The following NCAM2 variants were observed in gnomAD, a reference collection of about 807,000 sequenced individuals.
NCAM2 encodes the protein neural cell adhesion molecule 2.
A neutral mutation model predicts 98.1 loss-of-function variants in NCAM2; 30 were observed. The ratio of observed to expected loss-of-function variants is 0.31; its 90% CI spans 0.23 to 0.41. The LOEUF is 0.41. Ranked by LOEUF, NCAM2 falls within the 10% of genes least tolerant of loss-of-function variation. NCAM2 has a pLI of 1.00. For missense variants in NCAM2, 867 were observed against 1,005.8 expected (o/e 0.86, Z 1.87); for synonymous variants, 368 against 342.4 (o/e 1.07, Z -0.83).
chr21:21,267,086 G>A (rs901933026), intron 1 of NCAM2, among the ~76,000 whole-genome samples: 4 of 152,052 alleles, frequency 2.6e-5, no homozygotes, highest in African/African-American at 9.7e-5. Flanking sequence ...AACTCACCAG[G>A]GGAAGCAGTT....
At chr21:21,086,493 T>C (rs1180397373) in intron 1 of NCAM2, among the ~76,000 whole-genome samples, 2 of 152,182 alleles carry the variant, frequency 1.3e-5, no homozygotes, top group African/African-American at 4.8e-5. Context: ...AAATATATGC[T>C]ATAGCATACA....
At chr21:21,318,750 A>C (rs926680205) in intron 5 of NCAM2, among the ~76,000 whole-genome samples, 2 of 152,184 alleles carry the variant, frequency 1.3e-5, no homozygotes, top group Non-Finnish European at 2.9e-5. Flanking sequence ...GCTGTAATAG[A>C]TATGTATCTG....
At chr21:21,003,881 T>G (rs566496574) in intron 1 of NCAM2, among the ~76,000 whole-genome samples, 3 of 152,244 alleles carry the variant, frequency 2.0e-5, no homozygotes, top group South Asian at 2.1e-4. Context: ...GGGGCGTCAC[T>G]TATTGTCCTA....
chr21:21,324,116 C>A (rs1276504988), intron 5 of NCAM2, among the ~76,000 whole-genome samples: 1 of 152,102 alleles, frequency 6.6e-6, no homozygotes, highest in Non-Finnish European at 1.5e-5. Context: ...CATTAGAACA[C>A]AGATCATTGA....
chr21:21,256,007 A>G (rs1054510292), intron 1 of NCAM2, among the ~76,000 whole-genome samples: 4 of 152,178 alleles, frequency 2.6e-5, no homozygotes, highest in Non-Finnish European at 5.9e-5. Context: ...TAAAAGCCAA[A>G]TTTCAATAAT....
chr21:21,044,169 G>A (rs2064963897), intron 1 of NCAM2, among the ~76,000 whole-genome samples: 1 of 152,124 alleles, frequency 6.6e-6, no homozygotes. Flanking sequence ...GTATTTCATA[G>A]CTTTGAAGAT....
Position 21,098,182 on chromosome 21 carries a change from G to C in NCAM2, c.55+99564G>C, listed in dbSNP as rs551387768. On this transcript the variant is annotated intron_variant, in intron 1 of 17. Transcript: ENST00000400546. ...TATTGTTAGTTAATTATTATTGGAT[G>C]AATACATTTATTTCATTTTGATATT... 6.9e-4 allele frequency among the ~76,000 whole-genome samples: 104 copies of C among 151,350 alleles called. 3 individuals carry two copies. The highest frequency in any genetic ancestry group is 1.0e-3 in the South Asian group (5 of 4,806).
intron 1 of NCAM2, among the ~76,000 whole-genome samples, chr21:21,035,798 TG>T (rs753846026): frequency 6.6e-6 from 1 of 152,114 alleles, no homozygotes; most frequent in Non-Finnish European, 1.5e-5. Flanking sequence ...AAAGAGCTTT[TG>T]GAAGAAAAAA....
At chr21:21,349,461 C>A (rs1445236734) in intron 8 of NCAM2, among the ~76,000 whole-genome samples, 11 of 152,102 alleles carry the variant, frequency 7.2e-5, no homozygotes, top group Non-Finnish European at 1.5e-4. Flanking sequence ...GAAAAGGGAA[C>A]CTTTGTACAC....
At chr21:21,294,931 A>T (rs925438245) in intron 5 of NCAM2, among the ~76,000 whole-genome samples, 1 of 151,614 alleles carries the variant, frequency 6.6e-6, no homozygotes, top group Non-Finnish European at 1.5e-5. Flanking sequence ...TGCTACTTTT[A>T]TTCATATTAT....
chr21:21,427,939 T>C (rs1265111597), intron 11 of NCAM2, among the ~76,000 whole-genome samples: 1 of 152,204 alleles, frequency 6.6e-6, no homozygotes, highest in African/African-American at 2.4e-5. Flanking sequence ...TCAACATTAC[T>C]TGATATTTCC....
At chr21:21,091,118 A>G (rs2146447470) in intron 1 of NCAM2, among the ~76,000 whole-genome samples, 1 of 152,286 alleles carries the variant, frequency 6.6e-6, no homozygotes, top group South Asian at 2.1e-4. Context: ...TGGCACATAC[A>G]TAATTGGTTC....
intron 15 of NCAM2, among the ~76,000 whole-genome samples, chr21:21,486,899 G>A (rs537392835): frequency 6.6e-6 from 1 of 152,070 alleles, no homozygotes; most frequent in East Asian, 1.9e-4. Context: ...TAGATTTTAA[G>A]CATCTAAGTG....
chr21:21,085,924 A>G (rs2065897836), intron 1 of NCAM2, among the ~76,000 whole-genome samples: 2 of 152,198 alleles, frequency 1.3e-5, no homozygotes, highest in Admixed American at 1.3e-4. Context: ...ATATTAGAGA[A>G]AATCATAGGA....
intron 1 of NCAM2, among the ~76,000 whole-genome samples, chr21:21,114,359 A>G (rs1030426443): frequency 1.3e-5 from 2 of 152,192 alleles, no homozygotes; most frequent in Non-Finnish European, 2.9e-5. Flanking sequence ...ATTATAAGCA[A>G]TGTTTCATTT....
At chr21:21,339,515 A>G (rs1236107658) in intron 8 of NCAM2, among the ~76,000 whole-genome samples, 8 of 152,044 alleles carry the variant, frequency 5.3e-5, no homozygotes, top group Non-Finnish European at 2.9e-5. Flanking sequence ...CACATAAGTG[A>G]AGATTATAAC....
At chr21:21,119,574 TA>T (rs2066631150) in intron 1 of NCAM2, among the ~76,000 whole-genome samples, 1 of 124,320 alleles carries the variant, frequency 8.0e-6, no homozygotes, top group Non-Finnish European at 1.7e-5. Context: ...ATGTATCAAC[TA>T]ATTATATGTG....
chr21:21,069,823 A>G (rs928932727), intron 1 of NCAM2, among the ~76,000 whole-genome samples: 4 of 152,162 alleles, frequency 2.6e-5, no homozygotes, highest in Non-Finnish European at 4.4e-5. Context: ...AACCTTTCCA[A>G]TCTTTAAGCA....
chr21:21,061,546 TTTAA>T (rs1240006795), intron 1 of NCAM2, among the ~76,000 whole-genome samples: 14 of 152,302 alleles, frequency 9.2e-5, no homozygotes, highest in East Asian at 5.8e-4. Flanking sequence ...ATTGGAAATA[TTTAA>T]TTAATCTGTT....
Sources: gnomAD v4.1 joint callset for allele counts (sites outside exome capture counted in the v4.1 genomes callset) on GRCh38, gnomAD v4.1.1 for gene constraint, MANE v1.5 for transcripts, NCBI Gene and HGNC (gene_info 2026-07-23, HGNC 2026-07-21) for gene names.